The following CCSER1 variants were observed in gnomAD, a reference collection of about 807,000 sequenced individuals.
CCSER1 encodes coiled-coil serine rich protein 1, also known as serine-rich coiled-coil domain-containing protein 1.
CCSER1 carries 41 observed loss-of-function variants against 82.0 expected under a neutral mutation model. The ratio of observed to expected loss-of-function variants is 0.50; its 90% CI spans 0.39 to 0.65. The LOEUF is 0.65. Among genes scored for constraint, CCSER1 ranks in the 30% least tolerant of loss-of-function variants. CCSER1 has a pLI of 0.00. For synonymous variants in CCSER1, 414 were observed against 383.9 expected, an observed-to-expected ratio of 1.08 and a Z score of -0.92; for missense variants, 1,119 against 1,064.2, an observed-to-expected ratio of 1.05 and a Z score of -0.72.
intron 10 of CCSER1, among the ~76,000 whole-genome samples, chr4:91,300,512 T>A (rs1200602502): frequency 6.6e-6 from 1 of 151,910 alleles, no homozygotes; most frequent in Non-Finnish European, 1.5e-5. Flanking sequence ...TAATTTAATG[T>A]TCTTCCTTAA....
chr4:90,777,246 A>G (rs947007677), intron 7 of CCSER1, among the ~76,000 whole-genome samples: 1 of 148,724 alleles, frequency 6.7e-6, no homozygotes, highest in Non-Finnish European at 1.5e-5. Context: ...AATCCCAGCT[A>G]CTTGGGGGGC....
chr4:91,203,716 T>A (rs1379977890), intron 10 of CCSER1, among the ~76,000 whole-genome samples: 1 of 151,734 alleles, frequency 6.6e-6, no homozygotes, highest in African/African-American at 2.4e-5. Flanking sequence ...TGTGATAAAG[T>A]GATATCTGAG....
intron 10 of CCSER1, among the ~76,000 whole-genome samples, chr4:91,133,763 T>G (rs1226927459): frequency 6.6e-6 from 1 of 152,130 alleles, no homozygotes; most frequent in African/African-American, 2.4e-5. Flanking sequence ...GTTACAGGGA[T>G]GGGGCAATGA....
intron 10 of CCSER1, among the ~76,000 whole-genome samples, chr4:91,493,609 G>T (rs1292721899): frequency 6.6e-6 from 1 of 151,532 alleles, no homozygotes; most frequent in Admixed American, 6.6e-5. Context: ...CATTCTCATA[G>T]CCAAATTATA....
intron 9 of CCSER1, among the ~76,000 whole-genome samples, chr4:90,984,257 A>T (rs1736385529): frequency 6.6e-6 from 1 of 151,810 alleles, no homozygotes; most frequent in Non-Finnish European, 1.5e-5. Context: ...TTAACAACTT[A>T]TATAATCTAA....
intron 7 of CCSER1, among the ~76,000 whole-genome samples, chr4:90,799,623 A>G (rs1756515132): frequency 6.6e-6 from 1 of 152,126 alleles, no homozygotes; most frequent in Admixed American, 6.5e-5. Flanking sequence ...AGGGGTGCTC[A>G]GGTCGCGCAG....
intron 10 of CCSER1, among the ~76,000 whole-genome samples, chr4:91,162,164 C>A (rs1189800275): frequency 6.6e-6 from 1 of 152,050 alleles, no homozygotes; most frequent in Non-Finnish European, 1.5e-5. Context: ...TTGTCAAAGG[C>A]CTTTTCTGCA....
chr4:90,559,984 A>G (rs1402693477), intron 5 of CCSER1, among the ~76,000 whole-genome samples: 2 of 151,890 alleles, frequency 1.3e-5, no homozygotes, highest in Non-Finnish European at 2.9e-5. Context: ...AACAACAACA[A>G]CAAAAACAAA....
At chr4:90,621,191 C>A (rs1722262340) in intron 5 of CCSER1, among the ~76,000 whole-genome samples, 1 of 152,140 alleles carries the variant, frequency 6.6e-6, no homozygotes, top group Non-Finnish European at 1.5e-5. Context: ...TATATCAAGA[C>A]AAAACAACAT....
chr4:90,308,793 G>T lies in CCSER1; in HGVS notation c.509G>T (p.Arg170Leu). Reference sequence around the variant, plus strand: ...TCTGGTTTCACAGAAGACCAAACTCGTCGTTCTGTTAAGCAGTCAACAAGG... The same window carrying T: ...TCTGGTTTCACAGAAGACCAAACTCTTCGTTCTGTTAAGCAGTCAACAAGG... ...DDSGFTEDQT[R>L]RSVKQSTRKL... The change falls in exon 2 of 11, where the codon CGT becomes CTT. Residue 170 changes from arginine (R) to leucine (L), a missense_variant. Physicochemically the swap from Arg to Leu is moderately radical, Grantham distance 102. Coordinates refer to ENST00000509176, the MANE Select transcript of CCSER1 (RefSeq NM_001145065.2). 6.2e-7 allele frequency: 1 copy of T among 1,613,748 alleles called. No homozygotes were observed. The highest frequency in any genetic ancestry group is 8.5e-7 in the Non-Finnish European group (1 of 1,179,838).
intron 6 of CCSER1, among the ~76,000 whole-genome samples, chr4:90,709,697 A>G (rs918092461): frequency 2.6e-5 from 4 of 152,062 alleles, no homozygotes; most frequent in African/African-American, 4.8e-5. Flanking sequence ...ATGGGCATTT[A>G]GGTTGATTCC....
intron 10 of CCSER1, among the ~76,000 whole-genome samples, chr4:91,559,627 A>G (rs1042585637): frequency 4.0e-5 from 6 of 151,578 alleles, no homozygotes; most frequent in Non-Finnish European, 8.9e-5. Flanking sequence ...AGAAACATGA[A>G]AATCAAACTC....
intron 10 of CCSER1, among the ~76,000 whole-genome samples, chr4:91,496,838 A>AATATATATTTGAAT (rs1553946404): frequency 1.4e-5 from 1 of 71,336 alleles, no homozygotes; most frequent in South Asian, 5.5e-4. Flanking sequence ...ATATATATTG[A>AATATATATTTGAAT]ATATATATAT....
intron 10 of CCSER1, among the ~76,000 whole-genome samples, chr4:91,437,038 G>A (rs530928827): frequency 4.2e-4 from 64 of 152,300 alleles, no homozygotes; most frequent in African/African-American, 1.3e-3. Flanking sequence ...AGTCAGGTGG[G>A]TAACACATGA....
chr4:90,693,183 G>T (rs138582980), intron 6 of CCSER1, among the ~76,000 whole-genome samples: 1 of 152,014 alleles, frequency 6.6e-6, no homozygotes, highest in African/African-American at 2.4e-5. Context: ...TTAAGTGGCA[G>T]TTATTGTTCT....
At chr4:91,291,098 T>A (rs1743708655) in intron 10 of CCSER1, among the ~76,000 whole-genome samples, 5 of 151,702 alleles carry the variant, frequency 3.3e-5, no homozygotes, top group Middle Eastern at 6.8e-3. Flanking sequence ...TATTTTACCT[T>A]TCACAGTATT....
intron 9 of CCSER1, among the ~76,000 whole-genome samples, chr4:90,924,630 T>G (rs566564933): frequency 6.6e-6 from 1 of 152,322 alleles, no homozygotes; most frequent in South Asian, 2.1e-4. Flanking sequence ...GAAATAATTT[T>G]ATGGTCCTTA....
chr4:90,919,089 T>TAAAA (rs71596538), intron 8 of CCSER1, among the ~76,000 whole-genome samples: 12 of 87,212 alleles, frequency 1.4e-4, no homozygotes, highest in East Asian at 9.1e-4. Context: ...GTTTCCACAG[T>TAAAA]AAAAAAAAAA....
intron 9 of CCSER1, among the ~76,000 whole-genome samples, chr4:91,018,168 CT>C (rs1220614693): frequency 1.3e-5 from 2 of 152,088 alleles, no homozygotes; most frequent in African/African-American, 4.8e-5. Context: ...ATTCTTTCAT[CT>C]ATTTATTTAG....
Sources: gnomAD v4.1 joint callset for allele counts (sites outside exome capture counted in the v4.1 genomes callset) on GRCh38, gnomAD v4.1.1 for gene constraint, MANE v1.5 for transcripts, NCBI Gene and HGNC (gene_info 2026-07-23, HGNC 2026-07-21) for gene names.